The following TONSL variants were observed in gnomAD, a reference collection of about 807,000 sequenced individuals.
TONSL encodes tonsoku-like protein.
Under a neutral mutation model 147.1 loss-of-function variants are expected in TONSL, and 112 were observed. The observed-to-expected ratio is 0.76, with a 90% CI of 0.65 to 0.89. The LOEUF is 0.89. Ranked by LOEUF, TONSL falls within the 40% of genes least tolerant of loss-of-function variation. TONSL has a pLI of 0.00. For synonymous variants in TONSL, 868 were observed against 801.5 expected, an observed-to-expected ratio of 1.08 and a Z score of -1.40; for missense variants, 1,883 against 1,864.6, an observed-to-expected ratio of 1.01 and a Z score of -0.18.
chr8:144,432,077 C>T (rs137938395), intron 23 of TONSL, among the ~76,000 whole-genome samples: 2,988 of 152,168 alleles, frequency 0.02, 107 homozygotes, highest in African/African-American at 0.068. Context: ...CCACCCCCTT[C>T]GGCCTCCCAA....
intron 2 of TONSL, 53 bp downstream of exon 2, chr8:144,444,127 G>A (rs1447578077): frequency 4.6e-6 from 6 of 1,309,024 alleles, no homozygotes; most frequent in Non-Finnish European, 1.9e-6. Context: ...CCCCGATCCC[G>A]GCCCGGGCCC....
At position 144,440,748 on chromosome 8, in the gene TONSL, T is replaced by C. The variant is rs1823683669; in HGVS notation, c.1134A>G (p.Glu378=). 2 of 1,612,838 alleles carry C rather than the reference T, an allele frequency of 1.2e-6. No homozygotes were observed. The highest frequency in any genetic ancestry group is 8.5e-7 in the Non-Finnish European group (1 of 1,179,942). ...HHGAVRHYEE[E]LRLRSGNVLE... is the part of the protein sequence containing the mutation. ...GCACGTTGCCGCTGCGCAGCCTCAG[T>C]TCCTCCTCATAGTGGCGCACGGCCC... Residue 378 remains glutamate (E), a synonymous_variant, in exon 9 of 26, where the codon GAA becomes GAG. Coordinates refer to ENST00000409379, the MANE Select transcript of TONSL (RefSeq NM_013432.5).
At position 144,433,707 on chromosome 8, in the gene TONSL, T is replaced by C. The variant is rs1823316648; in HGVS notation, c.3440A>G (p.Gln1147Arg). 1 of 1,609,266 alleles carries C rather than the reference T, an allele frequency of 6.2e-7. No individual in the cohort carries two copies. The highest frequency in any genetic ancestry group is 1.3e-5 in the African/African-American group (1 of 74,776). The change falls in exon 22 of 26, where the codon CAG becomes CGG. Residue 1147 changes from glutamine (Q) to arginine (R), a missense_variant. Coordinates refer to ENST00000409379, the MANE Select transcript of TONSL (RefSeq NM_013432.5). Reference protein sequence around the residue: ...SMNPLGDGCGQSLASLLHACP... With the variant: ...SMNPLGDGCGRSLASLLHACP... Reference sequence around the variant, plus strand: ...GGCGTGCAGGAGGGAGGCCAGGGACTGGCCACAGCCGTCCCCCAGGGGGTT... The same window carrying C: ...GGCGTGCAGGAGGGAGGCCAGGGACCGGCCACAGCCGTCCCCCAGGGGGTT...
rs760700039 is a variant in TONSL, at chr8:144,444,353, C to A, written c.25+37G>T. Reference sequence around the variant, plus strand: ...CCGAGTCCCAAGCCCTCCCCAGCCTCCGCGCCCCCGGAGGAAGGGGTCCCC... The same window carrying A: ...CCGAGTCCCAAGCCCTCCCCAGCCTACGCGCCCCCGGAGGAAGGGGTCCCC... On this transcript the variant is annotated intron_variant, in intron 1 of 25. Coordinates refer to ENST00000409379, the MANE Select transcript of TONSL (RefSeq NM_013432.5). The A allele has an allele frequency of 3.2e-4, 417 of 1,288,184 alleles. 1 individual carries two copies. The highest frequency in any genetic ancestry group is 3.9e-4 in the Non-Finnish European group (400 of 1,015,640). 79.8% of individuals were successfully genotyped at this position (1,288,184 alleles called of 1,614,324 possible).
chr8:144,430,535 C>CAG lies in TONSL; in HGVS notation c.3811_3812insCT (p.Cys1271SerfsTer61). ...GATGAGTGAGGGGCACAGAGAGAGACATCTGAGATAACATGGGAAGAAGTG... is the reference window on the plus strand; with the variant it reads ...GATGAGTGAGGGGCACAGAGAGAGACAGATCTGAGATAACATGGGAAGAAGTG... On this transcript the variant is annotated frameshift_variant and splice_region_variant, in exon 25 of 26. Coordinates refer to ENST00000409379, the MANE Select transcript of TONSL (RefSeq NM_013432.5). LOFTEE classifies it high-confidence loss of function. 2 of 1,608,786 alleles carry CAG rather than the reference C, an allele frequency of 1.2e-6. No homozygotes were observed. The highest frequency in any genetic ancestry group is 8.5e-7 in the Non-Finnish European group (1 of 1,177,546).
chr8:144,434,944 G>A (rs969593290), intron 19 of TONSL, 55 bp from the exon 20 acceptor site: 73 of 1,611,726 alleles, frequency 4.5e-5, no homozygotes, highest in Non-Finnish European at 5.1e-5. Flanking sequence ...CCTCATCATT[G>A]CTCTGCAGCC....
chr8:144,442,507 G>A, intron 5 of TONSL, 95 bp from the exon 6 acceptor site: 1 of 1,486,698 alleles, frequency 6.7e-7, no homozygotes. Flanking sequence ...TGGTCTCAGG[G>A]CCCTAACCAT....
In TONSL at chr8:144,440,192, G is replaced by C. The variant is rs779891025; in HGVS notation, c.1309C>G (p.Leu437Val). ...PQLQRQVLQH[L>V]HTVQLRLQPQ... ...TGCAGCCTCAGCTGCACGGTATGGA[G>C]ATGCTGCAAGACCTGCCTCTGAGGA... Residue 437 changes from leucine (L) to valine (V), a missense_variant, in exon 11 of 26, where the codon CTC becomes GTC. Transcript: ENST00000409379. 21 of 1,601,734 alleles carry C rather than the reference G, an allele frequency of 1.3e-5. No individual in the cohort carries two copies. The highest frequency in any genetic ancestry group is 1.8e-5 in the Non-Finnish European group (21 of 1,174,892).
intron 21 of TONSL, 25 bp downstream of exon 21, chr8:144,433,953 G>A (rs1467398882): frequency 1.3e-6 from 2 of 1,540,804 alleles, no homozygotes; most frequent in African/African-American, 1.4e-5. Context: ...CGCTGTTGAG[G>A]GCCTGCTGCT....
chr8:144,442,767 C>A lies in TONSL; in HGVS notation c.488G>T (p.Arg163Leu). ...AQGELNEMRT[R>L]LYLNLGLTFE... is the part of the protein sequence containing the mutation. ...GGTGAGGCCCAGGTTGAGATAGAGGCGGGTCCTCATCTCATTCAGCTCTCC... is the reference window on the plus strand; with the variant it reads ...GGTGAGGCCCAGGTTGAGATAGAGGAGGGTCCTCATCTCATTCAGCTCTCC... Residue 163 changes from arginine to leucine, a missense_variant, in exon 5 of 26, where the codon CGC becomes CTC. By Grantham distance (102) the Arg-to-Leu change is moderately radical. Coordinates refer to ENST00000409379, the MANE Select transcript of TONSL (RefSeq NM_013432.5). The A allele has an allele frequency of 6.2e-7, 1 of 1,612,844 alleles. No individual in the cohort carries two copies. The highest frequency in any genetic ancestry group is 8.5e-7 in the Non-Finnish European group (1 of 1,179,918).
intron 15 of TONSL, 27 bp from the exon 16 acceptor site, chr8:144,436,708 ACAG>A: frequency 6.2e-7 from 1 of 1,611,468 alleles, no homozygotes; most frequent in Non-Finnish European, 8.5e-7. Context: ...GAGCAGGGGC[ACAG>A]CAGCCCCCAT....
rs202099960 is a variant in TONSL, at chr8:144,440,184, G to T, written c.1317C>A (p.Thr439=). ...LQRQVLQHLH[T]VQLRLQPQEA... is the part of the protein sequence containing the mutation. ...CCTGGGGCTGCAGCCTCAGCTGCAC[G>T]GTATGGAGATGCTGCAAGACCTGCC... Residue 439 remains threonine, a synonymous_variant, in exon 11 of 26, where the codon ACC becomes ACA. Transcript: ENST00000409379. 1.2e-6 allele frequency: 2 copies of T among 1,603,272 alleles called. No individual in the cohort carries two copies. The highest frequency in any genetic ancestry group is 2.2e-5 in the South Asian group (2 of 90,260).
intron 23 of TONSL, 40 bp downstream of exon 23, chr8:144,432,245 C>G (rs1554878840): frequency 6.2e-7 from 1 of 1,605,260 alleles, no homozygotes. Context: ...CCTTTGGCCT[C>G]TGAGGCTCAG....
Position 144,433,684 on chromosome 8 carries a change from C to A in TONSL, c.3463G>T (p.Ala1155Ser). The A allele has an allele frequency of 1.2e-6, 2 of 1,612,500 alleles. No individual in the cohort carries two copies. The highest frequency in any genetic ancestry group is 1.7e-6 in the Non-Finnish European group (2 of 1,179,702). ...CGCAGGGTGCTGAGTAAGGGGCAGG[C>A]GTGCAGGAGGGAGGCCAGGGACTGG... Reference protein sequence around the residue: ...CGQSLASLLHACPLLSTLRLQ... With the variant: ...CGQSLASLLHSCPLLSTLRLQ... The change falls in exon 22 of 26, where the codon GCC (alanine) becomes TCC (serine). Residue 1155 changes from alanine (A) to serine (S), a missense_variant. Physicochemically the swap from Ala to Ser is moderately conservative, Grantham distance 99 (BLOSUM62 1). Coordinates refer to ENST00000409379, the MANE Select transcript of TONSL (RefSeq NM_013432.5).
chr8:144,437,140 C>T, intron 13 of TONSL, 41 bp from the exon 14 acceptor site: 2 of 1,593,302 alleles, frequency 1.3e-6, no homozygotes, highest in Non-Finnish European at 1.7e-6. Context: ...CTGTGTACCT[C>T]ACAGCCTGGC....
At position 144,436,015 on chromosome 8, in the gene TONSL, C is replaced by T. The variant is rs1372208581; in HGVS notation, c.2418G>A (p.Leu806=). Residue 806 remains leucine, a synonymous_variant, in exon 17 of 26, where the codon CTG becomes CTA. Coordinates refer to ENST00000409379, the MANE Select transcript of TONSL (RefSeq NM_013432.5). ...TGTGGCCCCGCGGTGGGCCAGGCCC[C>T]AGCCGGCTCTGAGCACTGCCCACAC... is the stretch of plus-strand genomic sequence containing the variant. The part of the protein sequence containing the change: ...IRGVGSAQSR[L]GPGPPRGHSK... 6.4e-7 allele frequency: 1 copy of T among 1,553,750 alleles called. No homozygotes were observed. The highest frequency in any genetic ancestry group is 1.4e-5 in the African/African-American group (1 of 73,750).
At chr8:144,438,139 G>A (rs1823549600) in intron 13 of TONSL, 1 of 373,670 alleles carries the variant, frequency 2.7e-6, no homozygotes, top group South Asian at 3.4e-5. Flanking sequence ...GGGCTCATGT[G>A]ATCTGCCTGC....
At chr8:144,440,231 C>G (rs1346812118) in intron 10 of TONSL, 21 bp from the exon 11 acceptor site, 1 of 1,574,820 alleles carries the variant, frequency 6.3e-7, no homozygotes, top group Non-Finnish European at 8.6e-7. Context: ...GAGGGATGCT[C>G]AGCTCAGGAC....
intron 13 of TONSL, among the ~76,000 whole-genome samples, chr8:144,437,383 G>A (rs2242269): frequency 0.46 from 70,106 of 152,114 alleles, 16,788 homozygotes; most frequent in Middle Eastern, 0.62. Context: ...CAGGCGGGGC[G>A]GGAAGGTGCC....
Sources: allele counts gnomAD v4.1 joint callset (sites outside exome capture counted in the v4.1 genomes callset), GRCh38; gene constraint gnomAD v4.1.1; transcripts MANE v1.5; gene names NCBI Gene and HGNC (gene_info 2026-07-23, HGNC 2026-07-21).